Variants in NRXN1 observed in about 807,000 individuals in gnomAD.
NRXN1 encodes neurexin-1.
Under a neutral mutation model 150.9 loss-of-function variants are expected in NRXN1, and 39 were observed. The ratio of observed to expected loss-of-function variants is 0.26; its 90% CI spans 0.20 to 0.34. NRXN1 has a LOEUF of 0.34. NRXN1 is among the 10% of genes least tolerant of loss of function. NRXN1 has a pLI of 1.00. For synonymous variants in NRXN1, 924 were observed against 757.0 expected (o/e 1.22, Z -3.62); for missense variants, 1,815 against 1,949.9 (o/e 0.93, Z 1.30).
At chr2:50,953,011 G>A (rs1272890704) in intron 2 of NRXN1, among the ~76,000 whole-genome samples, 1 of 152,164 alleles carries the variant, frequency 6.6e-6, no homozygotes, top group Non-Finnish European at 1.5e-5. Context: ...ATATATGGAG[G>A]AGAAAATACT....
chr2:50,347,769 A>T lies in NRXN1; in HGVS notation c.3365-110799T>A, dbSNP rs2078147249. 1 of 986,514 alleles carries T rather than the reference A, an allele frequency of 1.0e-6. No homozygotes were observed. Among genetic ancestry groups the T allele is most frequent in the East Asian group, 1.1e-4 (1 of 8,830 alleles). 61.1% of individuals were successfully genotyped at this position (986,514 alleles called of 1,614,324 possible). Reference sequence around the variant, plus strand: ...AAAAGAAAAAAAGAAAAGAAAAACCACACACGCTGGTGAAGCAAGGGGCTC... The same window carrying T: ...AAAAGAAAAAAAGAAAAGAAAAACCTCACACGCTGGTGAAGCAAGGGGCTC... On this transcript the variant is annotated intron_variant, in intron 17 of 22. Transcript: ENST00000401669. The surrounding 1 kb of genome is among the most constrained non-coding windows in gnomAD (Gnocchi z 4.9).
intron 17 of NRXN1, among the ~76,000 whole-genome samples, chr2:50,421,296 G>A (rs1558701798): frequency 1.3e-5 from 2 of 150,330 alleles, no homozygotes; most frequent in South Asian, 4.2e-4. Flanking sequence ...TGTATGCATC[G>A]GTAAGGATAT....
At chr2:50,907,765 C>A (rs1387818091) in intron 5 of NRXN1, among the ~76,000 whole-genome samples, 1 of 152,056 alleles carries the variant, frequency 6.6e-6, no homozygotes, top group Non-Finnish European at 1.5e-5. Flanking sequence ...AAAGCAGATT[C>A]TTTGCAAGTG....
intron 17 of NRXN1, among the ~76,000 whole-genome samples, chr2:50,318,623 T>C (rs1261169502): frequency 2.0e-5 from 3 of 151,954 alleles, no homozygotes; most frequent in Non-Finnish European, 4.4e-5. Flanking sequence ...TTAAATTAAA[T>C]GCTATAATAA....
chr2:49,934,177 T>C (rs905139887), intron 22 of NRXN1, among the ~76,000 whole-genome samples: 2 of 152,224 alleles, frequency 1.3e-5, no homozygotes, highest in African/African-American at 4.8e-5. Context: ...TCTTTGGTAA[T>C]AAATAGCTGA....
chr2:51,021,148 C>A (rs1669540817), intron 2 of NRXN1, among the ~76,000 whole-genome samples: 1 of 151,578 alleles, frequency 6.6e-6, no homozygotes, highest in Non-Finnish European at 1.5e-5. Context: ...TTTTAATAAA[C>A]CAAAAAACTT....
intron 2 of NRXN1, among the ~76,000 whole-genome samples, chr2:50,965,671 A>T (rs1693949170): frequency 1.3e-5 from 2 of 151,504 alleles, no homozygotes; most frequent in Admixed American, 6.6e-5. Context: ...CCATGCTTAT[A>T]TTTGGCTAGG....
intron 18 of NRXN1, among the ~76,000 whole-genome samples, chr2:50,152,747 T>C (rs1237868248): frequency 1.3e-5 from 2 of 151,804 alleles, no homozygotes; most frequent in Non-Finnish European, 2.9e-5. Flanking sequence ...TCACTACTTT[T>C]AAGATCCTCT....
chr2:50,840,802 T>C (rs931169506), intron 5 of NRXN1, among the ~76,000 whole-genome samples: 1 of 152,144 alleles, frequency 6.6e-6, no homozygotes, highest in African/African-American at 2.4e-5. Flanking sequence ...AAGAGAGGAC[T>C]TCAGGGTTCC....
intron 15 of NRXN1, among the ~76,000 whole-genome samples, 183 bp downstream of exon 15, chr2:50,495,722 A>T (rs574727792): frequency 3.3e-5 from 5 of 152,274 alleles, no homozygotes; most frequent in Admixed American, 3.3e-4. Context: ...TTAAAAATAC[A>T]TAGGTTCCTA....
intron 18 of NRXN1, among the ~76,000 whole-genome samples, chr2:50,183,732 C>A (rs1381104957): frequency 6.6e-6 from 1 of 150,472 alleles, no homozygotes; most frequent in Non-Finnish European, 1.5e-5. Context: ...AAATGCAGGA[C>A]AGCTCCCACA....
intron 17 of NRXN1, among the ~76,000 whole-genome samples, chr2:50,358,009 C>T (rs778574215): frequency 5.9e-5 from 9 of 152,198 alleles, no homozygotes; most frequent in Non-Finnish European, 1.0e-4. Flanking sequence ...CAAGGGAAGC[C>T]GGTGAGGGAC....
At chr2:50,355,063 C>T (rs1372387269) in intron 17 of NRXN1, among the ~76,000 whole-genome samples, 1 of 152,016 alleles carries the variant, frequency 6.6e-6, no homozygotes, top group African/African-American at 2.4e-5. Flanking sequence ...GTTTAATTTC[C>T]TGAATGTCCA....
chr2:50,886,954 TAGTC>T (rs1047676981), intron 5 of NRXN1, among the ~76,000 whole-genome samples: 11 of 151,552 alleles, frequency 7.3e-5, no homozygotes, highest in Middle Eastern at 3.4e-3. Context: ...GAAAAAGAAC[TAGTC>T]AGTTAAATTT....
At chr2:50,799,506 A>C (rs1490684903) in intron 5 of NRXN1, among the ~76,000 whole-genome samples, 1 of 152,140 alleles carries the variant, frequency 6.6e-6, no homozygotes, top group African/African-American at 2.4e-5. Flanking sequence ...CCCTAATTAC[A>C]GTTGTTCAGC....
At chr2:50,964,100 C>T (rs889701547) in intron 2 of NRXN1, 14 of 296,932 alleles carry the variant, frequency 4.7e-5, no homozygotes, top group African/African-American at 2.4e-4. Context: ...TATGTTATTT[C>T]GACAACGATT....
At chr2:50,427,973 G>A (rs566190321) in intron 17 of NRXN1, among the ~76,000 whole-genome samples, 1 of 152,122 alleles carries the variant, frequency 6.6e-6, no homozygotes, top group African/African-American at 2.4e-5. Flanking sequence ...GCGAACAGAA[G>A]AATTAGAAAT....
At chr2:50,465,183 C>A (rs2088688308) in intron 17 of NRXN1, among the ~76,000 whole-genome samples, 1 of 151,756 alleles carries the variant, frequency 6.6e-6, no homozygotes, top group Admixed American at 6.6e-5. Flanking sequence ...GAAAAACATT[C>A]TTTTGAACAA....
At chr2:50,501,110 G>A (rs2091916452) in intron 13 of NRXN1, among the ~76,000 whole-genome samples, 1 of 152,180 alleles carries the variant, frequency 6.6e-6, no homozygotes, top group African/African-American at 2.4e-5. Context: ...TGCCAGGTTT[G>A]ATATTTAAGC....
Sources: allele counts gnomAD v4.1 joint callset (sites outside exome capture counted in the v4.1 genomes callset), GRCh38; gene constraint gnomAD v4.1.1; non-coding constraint Gnocchi (gnomAD v3.1); transcripts MANE v1.5; gene names NCBI Gene and HGNC (gene_info 2026-07-23, HGNC 2026-07-21).